CPNE4: variants seen among roughly 807,000 people sequenced by gnomAD.
CPNE4 encodes the protein copine-4.
In CPNE4, 25 loss-of-function variants were observed where a neutral mutation model predicts 67.9. The ratio of observed to expected loss-of-function variants is 0.37; its 90% CI spans 0.27 to 0.51. CPNE4 has a LOEUF of 0.51. Among genes scored for constraint, CPNE4 ranks in the 20% least tolerant of loss-of-function variants. CPNE4 has a pLI of 0.93. For missense variants in CPNE4, 464 were observed against 690.8 expected, an observed-to-expected ratio of 0.67 and a Z score of 3.68; for synonymous variants, 242 against 244.9, an observed-to-expected ratio of 0.99 and a Z score of 0.11.
chr3:131,890,236 T>G (rs1006668477), intron 2 of CPNE4, among the ~76,000 whole-genome samples: 12 of 151,848 alleles, frequency 7.9e-5, no homozygotes, highest in Admixed American at 2.0e-4. Context: ...TAAAACACAA[T>G]AGTAAAAACA....
At chr3:131,808,262 AG>A (rs2084394007) in intron 2 of CPNE4, among the ~76,000 whole-genome samples, 1 of 152,246 alleles carries the variant, frequency 6.6e-6, no homozygotes, top group African/African-American at 2.4e-5. Flanking sequence ...ATTAATTAAC[AG>A]AATTAGACTG....
intron 1 of CPNE4, among the ~76,000 whole-genome samples, chr3:131,926,251 A>G (rs1299965873): frequency 1.3e-5 from 2 of 152,130 alleles, no homozygotes; most frequent in African/African-American, 2.4e-5. Flanking sequence ...TGGGATGGAG[A>G]GAAACTTTTA....
chr3:131,779,621 G>A (rs1273823552), intron 2 of CPNE4, among the ~76,000 whole-genome samples: 2 of 152,054 alleles, frequency 1.3e-5, no homozygotes, highest in Admixed American at 1.3e-4. Context: ...TGGAATAACT[G>A]GCTACCCATA....
At chr3:131,639,924 T>A (rs1459268837) in intron 7 of CPNE4, among the ~76,000 whole-genome samples, 2 of 152,154 alleles carry the variant, frequency 1.3e-5, no homozygotes, top group Non-Finnish European at 2.9e-5. Context: ...ATTATCTCAA[T>A]AGATGCATAA....
chr3:131,727,440 G>A (rs538177573), intron 2 of CPNE4, among the ~76,000 whole-genome samples: 93 of 151,746 alleles, frequency 6.1e-4, no homozygotes, highest in African/African-American at 2.0e-3. Context: ...ACTCCAGCCT[G>A]GGCGACAGAG....
chr3:131,942,459 TGTGTGAGAGAGAGA>T (rs1215613747), intron 1 of CPNE4, among the ~76,000 whole-genome samples: 654 of 55,994 alleles, frequency 0.012, no homozygotes, highest in Admixed American at 0.069. Context: ...TGTGTGTGTG[TGTGTGAGAGAGAGA>T]GAGAGAGAGA....
At chr3:131,783,417 C>T (rs1392600327) in intron 2 of CPNE4, among the ~76,000 whole-genome samples, 1 of 152,056 alleles carries the variant, frequency 6.6e-6, no homozygotes, top group African/African-American at 2.4e-5. Flanking sequence ...AGTTGTAACA[C>T]TTGGGTTCTG....
chr3:131,802,191 G>T (rs1041894865), intron 2 of CPNE4, among the ~76,000 whole-genome samples: 4 of 152,294 alleles, frequency 2.6e-5, no homozygotes, highest in Admixed American at 6.5e-5. Flanking sequence ...AAATATGGGA[G>T]AGAACAGGGA....
chr3:131,589,177 G>T (rs951460866), intron 7 of CPNE4, among the ~76,000 whole-genome samples: 1 of 152,202 alleles, frequency 6.6e-6, no homozygotes, highest in South Asian at 2.1e-4. Context: ...TAGGCCATCT[G>T]CAAGCTGGGA....
At chr3:131,631,667 T>C (rs1008666414) in intron 7 of CPNE4, among the ~76,000 whole-genome samples, 13 of 152,246 alleles carry the variant, frequency 8.5e-5, no homozygotes, top group African/African-American at 3.1e-4. Flanking sequence ...CAAAGTGTAT[T>C]TTAATGAGAG....
At chr3:131,631,920 G>C (rs1244122188) in intron 7 of CPNE4, among the ~76,000 whole-genome samples, 2 of 145,176 alleles carry the variant, frequency 1.4e-5, no homozygotes, top group Admixed American at 1.3e-4. Context: ...TTTTGAGACA[G>C]AGTCTCACTC....
intron 2 of CPNE4, among the ~76,000 whole-genome samples, chr3:131,755,305 A>G (rs1001338596): frequency 2.6e-5 from 4 of 152,098 alleles, no homozygotes; most frequent in African/African-American, 9.7e-5. Context: ...TATTGGCTGA[A>G]TAAGAAAAGG....
chr3:131,542,979 G>A (rs1039077510), intron 14 of CPNE4, 186 bp from the exon 15 acceptor site: 7 of 573,194 alleles, frequency 1.2e-5, no homozygotes, highest in South Asian at 2.2e-5. Flanking sequence ...GAGCTTAAAG[G>A]TAGGCATGGC....
rs1423935790 is a variant in CPNE4 at position 131,552,425 on chromosome 3, C to G, written c.1168+15G>C. ...AAGGACTGTGACACTGGCTTTCTTT[C>G]ACGTTGTGCTTTACCTGCACATTCT... On this transcript the variant is annotated intron_variant, in intron 13 of 15. Transcript: ENST00000429747. 6.2e-7 allele frequency: 1 copy of G among 1,610,968 alleles called. No individual in the cohort carries two copies. Among genetic ancestry groups the G allele is most frequent in the African/African-American group, 1.3e-5 (1 of 74,902 alleles).
chr3:131,556,764 G>T (rs1243114642), intron 11 of CPNE4, among the ~76,000 whole-genome samples: 2 of 152,068 alleles, frequency 1.3e-5, no homozygotes, highest in African/African-American at 4.8e-5. Flanking sequence ...GCACACTGGA[G>T]TTTCTCTCTT....
In CPNE4 at chr3:131,564,366, C is replaced by T; in HGVS notation, c.928-17G>A. On this transcript the variant is annotated splice_polypyrimidine_tract_variant and intron_variant, in intron 10 of 15. Coordinates refer to ENST00000429747, the MANE Select transcript of CPNE4 (RefSeq NM_130808.3). ...TATAGCTACCTAAAAGAGAAAAATA[C>T]AAGAAAAGGTAAATTTAAAGTGGAT... The T allele has an allele frequency of 1.9e-6, 3 of 1,604,962 alleles. No homozygotes were observed. The highest frequency in any genetic ancestry group is 2.6e-6 in the Non-Finnish European group (3 of 1,176,312).
chr3:131,698,175 T>C (rs61198008), intron 4 of CPNE4, among the ~76,000 whole-genome samples: 19,806 of 137,632 alleles, frequency 0.14, 1,571 homozygotes, highest in African/African-American at 0.22. Flanking sequence ...GTGGAACTTG[T>C]AGTGAGATGA....
At chr3:131,729,683 A>G (rs2082082989) in intron 2 of CPNE4, among the ~76,000 whole-genome samples, 2 of 152,206 alleles carry the variant, frequency 1.3e-5, no homozygotes, top group African/African-American at 4.8e-5. Flanking sequence ...GTTGTGTAAA[A>G]AGTCTCATGT....
chr3:131,562,869 A>G (rs180836844), intron 11 of CPNE4, among the ~76,000 whole-genome samples: 30 of 152,190 alleles, frequency 2.0e-4, no homozygotes, highest in African/African-American at 7.2e-4. Flanking sequence ...TTCCAAAAAG[A>G]TAATTTAAAA....
Sources: gnomAD v4.1 joint callset for allele counts (sites outside exome capture counted in the v4.1 genomes callset) on GRCh38, gnomAD v4.1.1 for gene constraint, MANE v1.5 for transcripts, NCBI Gene and HGNC (gene_info 2026-07-23, HGNC 2026-07-21) for gene names.